Variants in GABRA3 observed in about 807,000 individuals in gnomAD.
GABRA3 encodes the protein gamma-aminobutyric acid type A receptor subunit alpha3.
Under a neutral mutation model 30.1 loss-of-function variants are expected in GABRA3, and 10 were observed. The ratio of observed to expected loss-of-function variants is 0.33; its 90% CI spans 0.20 to 0.56. The LOEUF (loss-of-function observed/expected upper bound fraction) is 0.56. GABRA3 is among the 20% of genes least tolerant of loss of function. The pLI is 0.89. For missense variants in GABRA3, 233 were observed against 392.0 expected (o/e 0.59, Z 3.42); for synonymous variants, 151 against 146.8 (o/e 1.03, Z -0.21).
intron 4 of GABRA3, among the ~76,000 whole-genome samples, chrX:152,266,766 T>A (rs1364416667): frequency 9.0e-6 from 1 of 111,214 alleles, no homozygotes; most frequent in Non-Finnish European, 1.9e-5. Context: ...AAAAAAATAT[T>A]TTTTTATTTG....
chrX:152,207,365 C>T (rs1278972428), intron 7 of GABRA3, among the ~76,000 whole-genome samples: 1 of 111,744 alleles, frequency 8.9e-6, no homozygotes. Context: ...CAGAATATAT[C>T]GTCCCTCAGG....
intron 1 of GABRA3, among the ~76,000 whole-genome samples, chrX:152,434,256 C>T (rs1355472413): frequency 9.0e-6 from 1 of 110,977 alleles, no homozygotes; most frequent in East Asian, 2.9e-4. Context: ...GGCAGAAAAA[C>T]ATTAAGAAGC....
chrX:152,273,739 G>C (rs1196226851), intron 4 of GABRA3, among the ~76,000 whole-genome samples: 1 of 111,549 alleles, frequency 9.0e-6, no homozygotes, highest in African/African-American at 3.3e-5. Context: ...TAAAAAGTTT[G>C]AGCTAATGAA....
intron 1 of GABRA3, among the ~76,000 whole-genome samples, chrX:152,417,881 G>T (rs1218970205): frequency 1.4e-5 from 1 of 72,982 alleles, no homozygotes. Flanking sequence ...GTTGTGGGGT[G>T]GGGGGAGGGG....
intron 9 of GABRA3, among the ~76,000 whole-genome samples, chrX:152,185,861 T>C (rs907711143): frequency 1.2e-4 from 13 of 112,506 alleles, no homozygotes; most frequent in African/African-American, 2.9e-4. Flanking sequence ...CCTAGCATTT[T>C]ATTTTCAATG....
At chrX:152,261,771 A>C (rs1025191893) in intron 4 of GABRA3, among the ~76,000 whole-genome samples, 2 of 111,644 alleles carry the variant, frequency 1.8e-5, no homozygotes, top group Admixed American at 1.9e-4. Flanking sequence ...CAGTGGATCT[A>C]CCATTCTGGG....
intron 3 of GABRA3, among the ~76,000 whole-genome samples, chrX:152,300,285 G>A (rs5969888): frequency 0.21 from 23,715 of 111,070 alleles, 2,288 homozygotes; most frequent in African/African-American, 0.39. Flanking sequence ...GTACATGTGT[G>A]AAAGAAACCA....
chrX:152,252,510 A>C (rs890673299), intron 5 of GABRA3, among the ~76,000 whole-genome samples: 1 of 110,811 alleles, frequency 9.0e-6, no homozygotes, highest in African/African-American at 3.3e-5. Context: ...CCTATCTCAT[A>C]CTGTTGTTAA....
At chrX:152,198,970 C>T (rs890659829) in intron 7 of GABRA3, among the ~76,000 whole-genome samples, 4 of 111,511 alleles carry the variant, frequency 3.6e-5, no homozygotes, top group Non-Finnish European at 3.8e-5. Context: ...GAGGTCATGC[C>T]GTACTGGAGT....
At chrX:152,385,507 C>T (rs1347697062) in intron 1 of GABRA3, among the ~76,000 whole-genome samples, 1 of 111,987 alleles carries the variant, frequency 8.9e-6, no homozygotes, top group African/African-American at 3.2e-5. Context: ...CAAGAAGCCA[C>T]AAAGGTTGTG....
intron 3 of GABRA3, among the ~76,000 whole-genome samples, chrX:152,308,631 A>G (rs1044217056): frequency 1.8e-5 from 2 of 112,004 alleles, no homozygotes; most frequent in African/African-American, 6.5e-5. Flanking sequence ...AAAAGATATA[A>G]AAGCAGAAGC....
At chrX:152,402,830 TAACA>T (rs1329202168) in intron 1 of GABRA3, among the ~76,000 whole-genome samples, 2 of 111,875 alleles carry the variant, frequency 1.8e-5, no homozygotes, top group Non-Finnish European at 3.8e-5. Context: ...AAAACATAAC[TAACA>T]TTTACCATAA....
intron 1 of GABRA3, among the ~76,000 whole-genome samples, chrX:152,424,519 T>G (rs1016169749): frequency 1.8e-5 from 2 of 111,555 alleles, no homozygotes; most frequent in Admixed American, 1.9e-4. Flanking sequence ...ATAACCTGAT[T>G]TGTCAGCAGC....
intron 5 of GABRA3, among the ~76,000 whole-genome samples, chrX:152,252,458 G>GT (rs1938572303): frequency 9.0e-6 from 1 of 110,951 alleles, no homozygotes; most frequent in African/African-American, 3.3e-5. Flanking sequence ...TACCCACGTC[G>GT]TGTCTCAGTT....
Position 152,378,477 on chromosome X carries a change from C to T in GABRA3, c.-26-13881G>A, listed in dbSNP as rs1929056096. On this transcript the variant is annotated intron_variant, in intron 1 of 9. Coordinates refer to ENST00000370314, the MANE Select transcript of GABRA3 (RefSeq NM_000808.4). ...AAAATGTGTGTATTACTAAGACACC[C>T]ACTAAATCTAAATAAAAATAGACTG... is the stretch of plus-strand genomic sequence containing the variant. 2.7e-5 allele frequency among the ~76,000 whole-genome samples: 3 copies of T among 110,376 alleles called. No homozygotes were observed. The South Asian group carries it at 1.1e-3, about 42-fold the overall frequency.
rs758079566 is a variant in GABRA3 at position 152,241,326 on chromosome X, G to T, written c.551+14452C>A. Among the ~76,000 whole-genome samples the T allele has an allele frequency of 2.9e-3, 258 of 89,696 alleles. 4 individuals are homozygous for T. Among genetic ancestry groups the T allele is most frequent in the African/African-American group, 8.4e-3 (249 of 29,761 alleles). The allele number at this position is 89,696 out of a possible 115,157, so 77.9% of individuals were successfully genotyped here. On this transcript the variant is annotated intron_variant, in intron 5 of 9. Coordinates refer to ENST00000370314, the MANE Select transcript of GABRA3 (RefSeq NM_000808.4). Reference sequence around the variant, plus strand: ...AGGCTGCTCAGGGGTCAGGGGTCAGGGGTCAGGGACCCACTTGAGGAGGCA... The same window carrying T: ...AGGCTGCTCAGGGGTCAGGGGTCAGTGGTCAGGGACCCACTTGAGGAGGCA...
chrX:152,182,685 CT>C (rs1342426428), intron 9 of GABRA3, among the ~76,000 whole-genome samples: 13 of 33,707 alleles, frequency 3.9e-4, no homozygotes, highest in African/African-American at 1.3e-3. Flanking sequence ...TATATATACA[CT>C]ATATATGTAT....
intron 1 of GABRA3, among the ~76,000 whole-genome samples, chrX:152,449,358 GA>G (rs1445494022): frequency 8.9e-6 from 1 of 112,053 alleles, no homozygotes; most frequent in Admixed American, 9.4e-5. Flanking sequence ...ACTGAGTAGA[GA>G]AATAAAGCTT....
intron 1 of GABRA3, among the ~76,000 whole-genome samples, chrX:152,380,893 G>T (rs892500994): frequency 1.8e-5 from 2 of 111,687 alleles, no homozygotes; most frequent in Non-Finnish European, 3.8e-5. Flanking sequence ...GGGAGGTGGG[G>T]TCTAGTGAAA....
Sources: allele counts gnomAD v4.1 joint callset (sites outside exome capture counted in the v4.1 genomes callset), GRCh38; gene constraint gnomAD v4.1.1; transcripts MANE v1.5; gene names NCBI Gene and HGNC (gene_info 2026-07-23, HGNC 2026-07-21).